PEX14: variants seen among roughly 807,000 people sequenced by gnomAD.
PEX14 encodes peroxisomal membrane protein PEX14.
In PEX14, 15 loss-of-function variants were observed where a neutral mutation model predicts 49.5. That is an observed-to-expected ratio of 0.30 (90% CI 0.20 to 0.47). The LOEUF (loss-of-function observed/expected upper bound fraction) is 0.47, where lower values mean the gene tolerates loss of function less well. PEX14 is among the 20% of genes least tolerant of loss of function. The pLI is 1.00. For synonymous variants in PEX14, 210 were observed against 212.7 expected, an observed-to-expected ratio of 0.99 and a Z score of 0.11; for missense variants, 398 against 494.8, an observed-to-expected ratio of 0.80 and a Z score of 1.86.
In PEX14 at chr1:10,623,406, GTTCATTTTTAATTTCTGC is replaced by G; in HGVS notation, c.487+289_487+306del. 2 of 392,456 alleles carry G rather than the reference GTTCATTTTTAATTTCTGC, an allele frequency of 5.1e-6. No homozygotes were observed. The highest frequency in any genetic ancestry group is 4.3e-5 in the South Asian group (2 of 46,106). 24.3% of individuals were successfully genotyped at this position (392,456 alleles called of 1,614,324 possible). The stretch of plus-strand genomic sequence containing the variant: ...TGACAGCCTTTCTAAGGGCTGTAAA[GTTCATTTTTAATTTCTGC>G]TTCTATGAGGTTTTCAGGGGGGTTT... On this transcript the variant is annotated intron_variant, in intron 6 of 8. Coordinates refer to ENST00000356607, the MANE Select transcript of PEX14 (RefSeq NM_004565.3). This position sits in a 1 kb window ranked among gnomAD's most constrained non-coding sequence, Gnocchi z 4.4.
At chr1:10,477,891 T>A (rs1641223245) in intron 1 of PEX14, among the ~76,000 whole-genome samples, 1 of 152,114 alleles carries the variant, frequency 6.6e-6, no homozygotes, top group Non-Finnish European at 1.5e-5. Flanking sequence ...AGTTATTTAT[T>A]TATTTATTTA....
At chr1:10,594,771 C>T (rs1449686791) in intron 3 of PEX14, among the ~76,000 whole-genome samples, 3 of 152,042 alleles carry the variant, frequency 2.0e-5, no homozygotes, top group African/African-American at 4.8e-5. Flanking sequence ...ACAGCCCTTC[C>T]GGGTCCCTGG....
chr1:10,590,909 T>G (rs1640644792), intron 3 of PEX14, among the ~76,000 whole-genome samples: 1 of 152,188 alleles, frequency 6.6e-6, no homozygotes, highest in Non-Finnish European at 1.5e-5. Flanking sequence ...TATTTAAGAT[T>G]CAAGATGCAG....
At chr1:10,501,447 A>C (rs1484929428) in intron 2 of PEX14, among the ~76,000 whole-genome samples, 2 of 152,110 alleles carry the variant, frequency 1.3e-5, no homozygotes, top group Non-Finnish European at 2.9e-5. Context: ...CTGGGACTAC[A>C]GGCGCCCGCC....
In PEX14 at chr1:10,599,234, C is replaced by A. The variant is rs764907398; in HGVS notation, c.170-4C>A. 7.2e-5 allele frequency: 117 copies of A among 1,614,026 alleles called. No individual in the cohort carries two copies. Among genetic ancestry groups the A allele is most frequent in the Non-Finnish European group, 9.6e-5 (113 of 1,179,890 alleles). ...CACCTGCAATGATGTCCTCTTCTCC[C>A]CAGGGCTGACAGATGAAGAGATTGA... On this transcript the variant is annotated splice_polypyrimidine_tract_variant and splice_region_variant and intron_variant, in intron 3 of 8. Coordinates refer to ENST00000356607, the MANE Select transcript of PEX14 (RefSeq NM_004565.3).
At position 10,574,810 on chromosome 1, in the gene PEX14, A is replaced by G. The variant is rs956562775; in HGVS notation, c.170-24428A>G. On this transcript the variant is annotated intron_variant, in intron 3 of 8. Coordinates refer to ENST00000356607, the MANE Select transcript of PEX14 (RefSeq NM_004565.3). ...GGGCTGGATACAGTGAGCAAATGCT[A>G]ATCAAAAGAAACAGAATTGGCCGGG... Among the ~76,000 whole-genome samples the G allele has an allele frequency of 5.9e-5, 9 of 152,176 alleles. 1 individual carries two copies. Among genetic ancestry groups the G allele is most frequent in the Admixed American group, 4.6e-4 (7 of 15,262 alleles).
At chr1:10,544,528 G>A (rs577319893) in intron 3 of PEX14, among the ~76,000 whole-genome samples, 23 of 152,224 alleles carry the variant, frequency 1.5e-4, no homozygotes, top group African/African-American at 5.5e-4. Context: ...CAGCTTTATT[G>A]AGGTGTAATT....
intron 3 of PEX14, among the ~76,000 whole-genome samples, chr1:10,581,768 A>G (rs928693527): frequency 6.7e-6 from 1 of 149,300 alleles, no homozygotes; most frequent in Non-Finnish European, 1.5e-5. Flanking sequence ...TTATAAATTT[A>G]TAATAATTTA....
intron 4 of PEX14, among the ~76,000 whole-genome samples, chr1:10,611,883 A>G (rs554892985): frequency 5.9e-5 from 9 of 152,304 alleles, no homozygotes; most frequent in African/African-American, 2.2e-4. Flanking sequence ...TATTCTAGTT[A>G]CAAGTGCTTT....
In PEX14 at chr1:10,623,015, G is replaced by T; in HGVS notation, c.385-4G>T. ...CATTCCTCACCCTGTCCCGCTTCTT[G>T]CAGAAATACCTGCTCCCCCTCATCC... On this transcript the variant is annotated splice_region_variant and splice_polypyrimidine_tract_variant and intron_variant, in intron 5 of 8. Coordinates refer to ENST00000356607, the MANE Select transcript of PEX14 (RefSeq NM_004565.3). The surrounding 1 kb of genome is among the most constrained non-coding windows in gnomAD (Gnocchi z 4.4). The T allele has an allele frequency of 6.2e-7, 1 of 1,608,616 alleles. No individual in the cohort carries two copies. The highest frequency in any genetic ancestry group is 8.5e-7 in the Non-Finnish European group (1 of 1,175,788).
At chr1:10,591,916 C>T (rs1427194517) in intron 3 of PEX14, among the ~76,000 whole-genome samples, 1 of 152,192 alleles carries the variant, frequency 6.6e-6, no homozygotes, top group Non-Finnish European at 1.5e-5. Context: ...TGGGCAAGTC[C>T]ATGCCCCTCT....
rs1252998833 is a variant in PEX14 at position 10,537,345 on chromosome 1, C to CCA, written c.169+1049_169+1050insAC. On this transcript the variant is annotated intron_variant, in intron 3 of 8. Transcript: ENST00000356607. ...CACTGGCTGCATTGTGCCAGCACCC[C>CCA]CCCCCCCCGCCATCATTAGGAGATT... Among the ~76,000 whole-genome samples, 8 of 70,046 alleles carry CCA rather than the reference C, an allele frequency of 1.1e-4. 2 individuals are homozygous for CCA. The South Asian group carries it at 3.2e-3, about 28-fold the overall frequency. 46.0% of individuals were successfully genotyped at this position (70,046 alleles called of 152,430 possible). A position where few individuals can be genotyped will look rare whatever the true frequency, so the allele number is the denominator to read the frequency against.
At chr1:10,555,725 G>A (rs921324758) in intron 3 of PEX14, among the ~76,000 whole-genome samples, 2 of 151,960 alleles carry the variant, frequency 1.3e-5, no homozygotes, top group African/African-American at 4.8e-5. Context: ...ATATCCTGGA[G>A]GTAGATATTT....
chr1:10,588,468 C>G (rs1011130533), intron 3 of PEX14, among the ~76,000 whole-genome samples: 2 of 152,168 alleles, frequency 1.3e-5, no homozygotes, highest in Non-Finnish European at 2.9e-5. Flanking sequence ...ATAGTTCTGC[C>G]TCTTATGCTT....
Position 10,618,423 on chromosome 1 carries a change from T to C in PEX14, c.384+6T>C. ...GCTTTCACCAGCTCTACAAGGTGAG[T>C]CACCCCCAGCGGCTGCAGGTGCTGT... On this transcript the variant is annotated splice_donor_region_variant and intron_variant, in intron 5 of 8. Transcript: ENST00000356607. The C allele has an allele frequency of 1.9e-6, 3 of 1,607,588 alleles. No homozygotes were observed. Among genetic ancestry groups the C allele is most frequent in the Non-Finnish European group, 2.6e-6 (3 of 1,174,806 alleles).
intron 3 of PEX14, among the ~76,000 whole-genome samples, chr1:10,540,396 C>G (rs2124489946): frequency 6.6e-6 from 1 of 152,190 alleles, no homozygotes; most frequent in East Asian, 1.9e-4. Context: ...ACCATGAAAG[C>G]TTTTTTAGCA....
In PEX14 at chr1:10,512,013, G is replaced by A. The variant is rs916871898; in HGVS notation, c.84+16692G>A. Among the ~76,000 whole-genome samples, 5 of 152,128 alleles carry A rather than the reference G, an allele frequency of 3.3e-5. No individual in the cohort carries two copies. Among genetic ancestry groups the A allele is most frequent in the Non-Finnish European group, 5.9e-5 (4 of 68,026 alleles). ...CTTGCTCTGTCACCCAGGCTGGAGT[G>A]CAGTGGCATAATCTTGGCTCACTGC... On this transcript the variant is annotated intron_variant, in intron 2 of 8. Transcript: ENST00000356607. This position sits in a 1 kb window ranked among gnomAD's most constrained non-coding sequence, Gnocchi z 4.6.
intron 3 of PEX14, among the ~76,000 whole-genome samples, chr1:10,595,506 A>G (rs1313647801): frequency 6.6e-6 from 1 of 152,210 alleles, no homozygotes; most frequent in Admixed American, 6.5e-5. Context: ...AGTGGCAGAA[A>G]GGAAGTTATA....
At chr1:10,608,443 C>T (rs1295527034) in intron 4 of PEX14, among the ~76,000 whole-genome samples, 4 of 152,114 alleles carry the variant, frequency 2.6e-5, no homozygotes, top group Admixed American at 6.6e-5. Context: ...GGGCGGATTG[C>T]CTGAGCTCAG....
Sources: allele counts gnomAD v4.1 joint callset (sites outside exome capture counted in the v4.1 genomes callset), GRCh38; gene constraint gnomAD v4.1.1; non-coding constraint Gnocchi (gnomAD v3.1); transcripts MANE v1.5; gene names NCBI Gene and HGNC (gene_info 2026-07-23, HGNC 2026-07-21).